Variants in MORC1 observed in about 807,000 individuals in gnomAD.
MORC1 encodes the protein MORC family CW-type zinc finger 1.
Under a neutral mutation model 134.9 loss-of-function variants are expected in MORC1, and 59 were observed. The observed-to-expected ratio is 0.44, with a 90% CI of 0.35 to 0.54. The LOEUF is 0.54. Among genes scored for constraint, MORC1 ranks in the 20% least tolerant of loss-of-function variants. MORC1 has a pLI of 0.00. For synonymous variants in MORC1, 395 were observed against 391.7 expected (o/e 1.01, Z -0.10); for missense variants, 947 against 1,134.5 (o/e 0.83, Z 2.37).
chr3:109,078,504 AG>A (rs1414384508), intron 8 of MORC1, among the ~76,000 whole-genome samples: 1 of 152,014 alleles, frequency 6.6e-6, no homozygotes, highest in African/African-American at 2.4e-5. Flanking sequence ...AATAAACAAC[AG>A]TAAGAGTTCT....
intron 14 of MORC1, among the ~76,000 whole-genome samples, chr3:109,043,200 G>GGA (rs1949602090): frequency 8.6e-6 from 1 of 115,880 alleles, no homozygotes; most frequent in African/African-American, 3.1e-5. Flanking sequence ...GGGGGGGGGG[G>GGA]GTGTGTATAA....
At chr3:108,995,188 A>G (rs1026366845) in intron 21 of MORC1, among the ~76,000 whole-genome samples, 3 of 152,164 alleles carry the variant, frequency 2.0e-5, no homozygotes, top group African/African-American at 7.2e-5. Context: ...ATCTAAACAA[A>G]CCCTTAATTA....
chr3:109,015,271 C>G lies in MORC1; in HGVS notation c.1705-8180G>C, dbSNP rs1948791094. On this transcript the variant is annotated intron_variant, in intron 17 of 27. Transcript: ENST00000232603. The stretch of plus-strand genomic sequence containing the variant: ...CAGGGTGAAGGCAAAAATTCACTCA[C>G]AATTGGAAGAACACAGCAAGAGATA... Among the ~76,000 whole-genome samples the G allele has an allele frequency of 2.0e-5, 3 of 152,106 alleles. No homozygotes were observed. The South Asian group carries it at 6.2e-4, about 32-fold the overall frequency.
chr3:109,092,507 A>C (rs1383308025), intron 8 of MORC1, among the ~76,000 whole-genome samples: 2 of 152,184 alleles, frequency 1.3e-5, no homozygotes, highest in African/African-American at 4.8e-5. Context: ...ATTGGGCATT[A>C]GTCCAAATTC....
intron 21 of MORC1, among the ~76,000 whole-genome samples, chr3:108,991,901 C>A (rs1277819667): frequency 6.6e-6 from 1 of 152,132 alleles, no homozygotes; most frequent in African/African-American, 2.4e-5. Flanking sequence ...GCTGTACTAC[C>A]TTTCTTTTAA....
At chr3:109,014,603 T>C (rs13075465) in intron 17 of MORC1, among the ~76,000 whole-genome samples, 24,301 of 152,232 alleles carry the variant, frequency 0.16, 2,166 homozygotes, top group African/African-American at 0.23. Context: ...TCACAATGTA[T>C]GATTCTCTTA....
intron 15 of MORC1, among the ~76,000 whole-genome samples, chr3:109,033,504 T>TA (rs1386944082): frequency 6.6e-6 from 1 of 152,106 alleles, no homozygotes; most frequent in Non-Finnish European, 1.5e-5. Context: ...AGGCTACACT[T>TA]ACATTTAATC....
intron 15 of MORC1, 31 bp from the exon 16 acceptor site, chr3:109,032,856 G>T (rs770996137): frequency 4.3e-5 from 58 of 1,355,970 alleles, no homozygotes; most frequent in Non-Finnish European, 6.1e-5. Context: ...ACACAGAAAA[G>T]AGATCAGAAA....
intron 16 of MORC1, among the ~76,000 whole-genome samples, chr3:109,030,254 T>C (rs1487020519): frequency 1.3e-5 from 2 of 152,232 alleles, no homozygotes; most frequent in Non-Finnish European, 2.9e-5. Context: ...ACACTTATTT[T>C]AAGTGATTCT....
chr3:109,087,152 T>A (rs1950629659), intron 8 of MORC1, among the ~76,000 whole-genome samples: 1 of 139,290 alleles, frequency 7.2e-6, no homozygotes, highest in Non-Finnish European at 1.5e-5. Flanking sequence ...AATTAATGCC[T>A]CTTGAACAGG....
chr3:109,097,080 G>T (rs1280799644), intron 6 of MORC1, among the ~76,000 whole-genome samples: 1 of 152,138 alleles, frequency 6.6e-6, no homozygotes, highest in Non-Finnish European at 1.5e-5. Context: ...GACCCAGCAA[G>T]TGACCAGCAC....
At chr3:109,049,333 G>T (rs1439845768) in intron 14 of MORC1, 1 of 171,964 alleles carries the variant, frequency 5.8e-6, no homozygotes, top group East Asian at 1.9e-4. Context: ...GCACAAACTG[G>T]GTAATTGACA....
Position 109,099,417 on chromosome 3 carries a change from C to G in MORC1, c.364G>C (p.Glu122Gln), listed in dbSNP as rs759028936. Residue 122 changes from glutamate to glutamine, a missense_variant, in exon 6 of 28, where the codon GAA becomes CAA. Physicochemically the swap from Glu to Gln is conservative, Grantham distance 29. This residue lies in a region of MORC1 where 214 missense variants were observed against 281.3 expected (regional missense o/e 0.76). Coordinates refer to ENST00000232603, the MANE Select transcript of MORC1 (RefSeq NM_014429.4). The stretch of plus-strand genomic sequence containing the variant: ...GAAAAAAACACACAGGTCATCGTTT[C>G]TTCCTTCTTCGTAAAAAGAATAAAG... ...KDFILFTKKE[E>Q]TMTCVFFSQT... The G allele has an allele frequency of 6.2e-7, 1 of 1,613,280 alleles. No homozygotes were observed.
intron 17 of MORC1, among the ~76,000 whole-genome samples, chr3:109,023,437 T>C (rs1212152324): frequency 6.6e-6 from 1 of 152,210 alleles, no homozygotes; most frequent in Non-Finnish European, 1.5e-5. Context: ...CAGAAATATA[T>C]TGATTATGCA....
intron 8 of MORC1, among the ~76,000 whole-genome samples, chr3:109,087,691 C>A (rs1399563765): frequency 6.6e-6 from 1 of 152,074 alleles, no homozygotes; most frequent in Admixed American, 6.6e-5. Flanking sequence ...TGTCAAACTA[C>A]CAATGACATT....
intron 6 of MORC1, 80 bp downstream of exon 6, chr3:109,099,278 T>A: frequency 3.1e-6 from 3 of 967,184 alleles, no homozygotes; most frequent in Non-Finnish European, 4.6e-6. Context: ...AAAGAACCCA[T>A]GACAAGACTT....
At chr3:109,003,203 TG>T (rs1023540522) in intron 20 of MORC1, among the ~76,000 whole-genome samples, 2 of 151,994 alleles carry the variant, frequency 1.3e-5, no homozygotes, top group African/African-American at 4.8e-5. Flanking sequence ...AAACCATATG[TG>T]GTTTTATTAG....
chr3:109,040,390 G>GAAAA (rs1559912429), intron 14 of MORC1, among the ~76,000 whole-genome samples: 2 of 76,538 alleles, frequency 2.6e-5, no homozygotes, highest in African/African-American at 9.3e-5. Flanking sequence ...AAGAAAGAAA[G>GAAAA]AAAGAAAGAA....
rs1249382118 is a variant in MORC1, at chr3:109,005,108, C to T, written c.1975G>A (p.Ala659Thr). 1 of 1,612,518 alleles carries T rather than the reference C, an allele frequency of 6.2e-7. No individual in the cohort carries two copies. The highest frequency in any genetic ancestry group is 8.5e-7 in the Non-Finnish European group (1 of 1,179,542). ...MNSQQQRIPV[A>T]LPENVKLAER... ...GCTAGTTTGACATTTTCTGGCAGAG[C>T]TACTGGAATTCTCTGCTGTTGAGAG... Residue 659 changes from alanine to threonine, a missense_variant, in exon 19 of 28, where the codon GCT becomes ACT. This residue lies in a region of MORC1 where 722 missense variants were observed against 817.0 expected (regional missense o/e 0.88). Transcript: ENST00000232603.
Sources: gnomAD v4.1 joint callset for allele counts (sites outside exome capture counted in the v4.1 genomes callset) on GRCh38, gnomAD v4.1.1 for gene constraint, gnomAD v4.1.1 regional missense constraint, MANE v1.5 for transcripts, NCBI Gene and HGNC (gene_info 2026-07-23, HGNC 2026-07-21) for gene names.